MBD5: variants seen among roughly 807,000 people sequenced by gnomAD.
MBD5 encodes the protein methyl-CpG binding domain protein 5.
In MBD5, 13 loss-of-function variants were observed where a neutral mutation model predicts 117.3. The observed-to-expected ratio is 0.11, with a 90% CI of 0.07 to 0.18. The LOEUF (loss-of-function observed/expected upper bound fraction) is 0.18, where lower values mean the gene tolerates loss of function less well. MBD5 is among the 10% of genes least tolerant of loss of function. MBD5 has a pLI of 1.00. For missense variants in MBD5, 1,879 were observed against 2,093.8 expected (o/e 0.90, Z 2.00); for synonymous variants, 727 against 766.4 (o/e 0.95, Z 0.85).
At chr2:148,252,750 A>G (rs1368856394) in intron 3 of MBD5, among the ~76,000 whole-genome samples, 5 of 152,080 alleles carry the variant, frequency 3.3e-5, no homozygotes, top group Admixed American at 3.3e-4. Flanking sequence ...GGGTCTCACC[A>G]TGTTAGCCAG....
intron 1 of MBD5, among the ~76,000 whole-genome samples, chr2:148,040,522 A>C (rs999933916): frequency 6.6e-6 from 1 of 152,172 alleles, no homozygotes; most frequent in Non-Finnish European, 1.5e-5. Flanking sequence ...TGATGTATAT[A>C]TGGGTATTTA....
Position 148,213,562 on chromosome 2 carries a change from G to A in MBD5, c.-830-19683G>A, listed in dbSNP as rs933377742. Among the ~76,000 whole-genome samples, 4 of 152,148 alleles carry A rather than the reference G, an allele frequency of 2.6e-5. No homozygotes were observed. The East Asian group carries it at 5.8e-4, about 22-fold the overall frequency. On this transcript the variant is annotated intron_variant, in intron 2 of 13. Transcript: ENST00000642680. ...TATTGAAAAGTAAATTTAAGTTGCCGCATCAAAAGTACATGCAAAACTGTG... is the reference window on the plus strand; with the variant it reads ...TATTGAAAAGTAAATTTAAGTTGCCACATCAAAAGTACATGCAAAACTGTG...
chr2:148,466,227 G>A (rs1044474423), intron 7 of MBD5, among the ~76,000 whole-genome samples: 1 of 152,064 alleles, frequency 6.6e-6, no homozygotes, highest in African/African-American at 2.4e-5. Flanking sequence ...ATCTGTTTCT[G>A]TTTATTCTTT....
intron 1 of MBD5, chr2:148,068,673 A>T (rs1695271893): frequency 6.6e-6 from 1 of 152,170 alleles, no homozygotes; most frequent in South Asian, 2.1e-4. Context: ...CTGATCATGT[A>T]TTGATAGGTT....
At chr2:148,155,780 T>C (rs1478224707) in intron 1 of MBD5, among the ~76,000 whole-genome samples, 3 of 152,196 alleles carry the variant, frequency 2.0e-5, no homozygotes, top group African/African-American at 7.2e-5. Context: ...AGAAAACTCA[T>C]AGTAACTGGT....
At chr2:148,096,223 G>T (rs538137374) in intron 1 of MBD5, among the ~76,000 whole-genome samples, 1 of 152,256 alleles carries the variant, frequency 6.6e-6, no homozygotes, top group African/African-American at 2.4e-5. Flanking sequence ...ATTCCTTACT[G>T]CAAAGCAGCA....
At chr2:148,182,313 T>C (rs1464436366) in intron 2 of MBD5, among the ~76,000 whole-genome samples, 1 of 152,184 alleles carries the variant, frequency 6.6e-6, no homozygotes, top group Non-Finnish European at 1.5e-5. Flanking sequence ...CTGTGGTATA[T>C]TAATGTTATG....
At chr2:148,181,634 T>C (rs1316062120) in intron 2 of MBD5, among the ~76,000 whole-genome samples, 1 of 152,180 alleles carries the variant, frequency 6.6e-6, no homozygotes, top group Admixed American at 6.5e-5. Context: ...GGCCTTTTGA[T>C]TTCCCTCTTC....
At chr2:148,311,004 T>C (rs1702016827) in intron 3 of MBD5, among the ~76,000 whole-genome samples, 1 of 152,256 alleles carries the variant, frequency 6.6e-6, no homozygotes, top group African/African-American at 2.4e-5. Flanking sequence ...TACTGTGGTC[T>C]GAGAGACTGT....
At chr2:148,368,126 C>A (rs191431624) in intron 4 of MBD5, among the ~76,000 whole-genome samples, 94 of 152,280 alleles carry the variant, frequency 6.2e-4, no homozygotes, top group African/African-American at 2.1e-3. Flanking sequence ...CACATATACA[C>A]CATGGGATAC....
intron 1 of MBD5, among the ~76,000 whole-genome samples, chr2:148,048,624 G>A (rs1490521024): frequency 6.6e-6 from 1 of 152,132 alleles, no homozygotes; most frequent in Non-Finnish European, 1.5e-5. Flanking sequence ...GTAGAGAAGA[G>A]TAAGGCTTTC....
intron 3 of MBD5, among the ~76,000 whole-genome samples, chr2:148,323,303 CAT>C (rs1702341438): frequency 1.3e-5 from 2 of 152,096 alleles, no homozygotes; most frequent in Non-Finnish European, 2.9e-5. Flanking sequence ...CTGCAATAAA[CAT>C]ATGTGTGCAT....
At chr2:148,148,776 T>G (rs1174258940) in intron 1 of MBD5, among the ~76,000 whole-genome samples, 1 of 152,202 alleles carries the variant, frequency 6.6e-6, no homozygotes, top group Non-Finnish European at 1.5e-5. Context: ...ATTTTCCTTG[T>G]GCACCAGTTT....
intron 3 of MBD5, among the ~76,000 whole-genome samples, chr2:148,270,205 A>G (rs1700950839): frequency 6.6e-6 from 1 of 152,048 alleles, no homozygotes; most frequent in Non-Finnish European, 1.5e-5. Flanking sequence ...TCTATGTGTG[A>G]ACAGACTACT....
At chr2:148,225,435 T>G (rs552822472) in intron 2 of MBD5, among the ~76,000 whole-genome samples, 18 of 152,298 alleles carry the variant, frequency 1.2e-4, no homozygotes, top group African/African-American at 4.1e-4. Context: ...TGGTTATTTT[T>G]TATTTATTTT....
intron 13 of MBD5, among the ~76,000 whole-genome samples, chr2:148,511,523 T>C (rs1682213644): frequency 6.6e-6 from 1 of 152,244 alleles, no homozygotes; most frequent in African/African-American, 2.4e-5. Flanking sequence ...ATTGTGTTCA[T>C]GTTGCAAGAT....
At chr2:148,341,789 A>T (rs1702953511) in intron 3 of MBD5, among the ~76,000 whole-genome samples, 1 of 152,006 alleles carries the variant, frequency 6.6e-6, no homozygotes, top group Admixed American at 6.6e-5. Flanking sequence ...AGTGATCACC[A>T]TTATATCTCC....
chr2:148,396,009 T>C (rs1704704055), intron 4 of MBD5, among the ~76,000 whole-genome samples: 2 of 152,210 alleles, frequency 1.3e-5, no homozygotes, highest in African/African-American at 2.4e-5. Flanking sequence ...TTTGATGTTG[T>C]TTTTTTCTAG....
chr2:148,258,907 C>A (rs146661447), intron 3 of MBD5, among the ~76,000 whole-genome samples: 1 of 152,130 alleles, frequency 6.6e-6, no homozygotes, highest in South Asian at 2.1e-4. Flanking sequence ...CCCTGAGAGC[C>A]GCCATAGCAG....
Sources: gnomAD v4.1 joint callset for allele counts (sites outside exome capture counted in the v4.1 genomes callset) on GRCh38, gnomAD v4.1.1 for gene constraint, MANE v1.5 for transcripts, NCBI Gene and HGNC (gene_info 2026-07-23, HGNC 2026-07-21) for gene names.